BMPER: variants seen among roughly 807,000 people sequenced by gnomAD.
BMPER encodes the protein BMP-binding endothelial regulator protein.
In BMPER, 45 loss-of-function variants were observed where a neutral mutation model predicts 87.3. That is an observed-to-expected ratio of 0.52 (90% confidence interval 0.41 to 0.66). BMPER has a LOEUF of 0.66. Ranked by LOEUF, BMPER falls within the 30% of genes least tolerant of loss-of-function variation. BMPER has a pLI of 0.00. For missense variants in BMPER, 784 were observed against 867.5 expected, an observed-to-expected ratio of 0.90 and a Z score of 1.21; for synonymous variants, 326 against 316.2, an observed-to-expected ratio of 1.03 and a Z score of -0.33.
intron 6 of BMPER, among the ~76,000 whole-genome samples, chr7:34,009,635 G>A (rs1360720246): frequency 6.6e-6 from 1 of 151,986 alleles, no homozygotes; most frequent in Non-Finnish European, 1.5e-5. Context: ...CCGTATAAAT[G>A]TGAGAGAGAG....
rs1319017555 is a variant in BMPER, at chr7:33,943,923, CCTAA to C, written c.319+6538_319+6541del. On this transcript the variant is annotated intron_variant, in intron 3 of 14. Transcript: ENST00000649409. ...GTGGTATCAAGCTCCATTTAAAGAG[CCTAA>C]CTGAGTGCCATCAATTGCTGTTGTG... Among the ~76,000 whole-genome samples, 5 of 152,134 alleles carry C rather than the reference CCTAA, an allele frequency of 3.3e-5. No individual in the cohort carries two copies. In the East Asian group the frequency reaches 9.6e-4, roughly 29 times the overall value.
chr7:33,926,838 C>G (rs960294636), intron 2 of BMPER, among the ~76,000 whole-genome samples: 1 of 152,232 alleles, frequency 6.6e-6, no homozygotes, highest in Non-Finnish European at 1.5e-5. Flanking sequence ...CCCTTGCTTC[C>G]CTACCTGACA....
At chr7:34,109,871 C>T (rs1442630211) in intron 13 of BMPER, among the ~76,000 whole-genome samples, 1 of 152,168 alleles carries the variant, frequency 6.6e-6, no homozygotes, top group Non-Finnish European at 1.5e-5. Context: ...TAGTTCTATT[C>T]CACTTGCTCT....
Position 34,086,069 on chromosome 7 carries a change from T to G in BMPER, c.1722T>G (p.Thr574=). 3.7e-6 allele frequency: 6 copies of G among 1,614,004 alleles called. No individual in the cohort carries two copies. The highest frequency in any genetic ancestry group is 4.2e-6 in the Non-Finnish European group (5 of 1,180,016). ...KSWEFQTCHS[T]VDYATFYRSC... Reference sequence around the variant, plus strand: ...GGGAGTTTCAGACCTGCCACTCGACTGTGGACTACGCCACTTTCTACCGGT... The same window carrying G: ...GGGAGTTTCAGACCTGCCACTCGACGGTGGACTACGCCACTTTCTACCGGT... Residue 574 remains threonine (T), a synonymous_variant, in exon 13 of 15, where the codon ACT becomes ACG. Coordinates refer to ENST00000649409, the MANE Select transcript of BMPER (RefSeq NM_001365308.1).
chr7:34,147,539 C>T (rs961630499), intron 14 of BMPER, among the ~76,000 whole-genome samples: 5 of 152,146 alleles, frequency 3.3e-5, no homozygotes, highest in African/African-American at 7.2e-5. Context: ...GGCGTGATCT[C>T]GGCTCACTAT....
At chr7:33,913,159 G>A (rs1036640264) in intron 2 of BMPER, among the ~76,000 whole-genome samples, 1 of 152,192 alleles carries the variant, frequency 6.6e-6, no homozygotes, top group Admixed American at 6.5e-5. Flanking sequence ...GGACCGTGAT[G>A]TGGGAGGAGA....
rs1017451234 is a variant in BMPER, at chr7:34,009,942, G to A, written c.576+35158G>A. Reference sequence around the variant, plus strand: ...TTGTTGAAATAAGACAATGATAGAAGGAAGGTGACCTTCTAGGTAATTATG... The same window carrying A: ...TTGTTGAAATAAGACAATGATAGAAAGAAGGTGACCTTCTAGGTAATTATG... On this transcript the variant is annotated intron_variant, in intron 6 of 14. Coordinates refer to ENST00000649409, the MANE Select transcript of BMPER (RefSeq NM_001365308.1). 2.0e-5 allele frequency among the ~76,000 whole-genome samples: 3 copies of A among 151,932 alleles called. No individual in the cohort carries two copies. In the East Asian group the frequency reaches 5.8e-4, roughly 30 times the overall value.
chr7:34,153,066 T>G (rs919564924), intron 14 of BMPER, 26 bp from the exon 15 acceptor site: 2 of 1,613,688 alleles, frequency 1.2e-6, no homozygotes, highest in East Asian at 2.2e-5. Context: ...CTCCATGTTA[T>G]GCCTTTGTCT....
chr7:34,011,271 C>T lies in BMPER; in HGVS notation c.577-35035C>T, dbSNP rs529135407. On this transcript the variant is annotated intron_variant, in intron 6 of 14. Coordinates refer to ENST00000649409, the MANE Select transcript of BMPER (RefSeq NM_001365308.1). ...GACTCAGTAGGTCTGGGGTGAGGCC[C>T]GAGATTCTGTATTTCTACCAAGTTT... 3.0e-4 allele frequency among the ~76,000 whole-genome samples: 46 copies of T among 151,676 alleles called. 1 individual carries two copies. In the South Asian group the frequency reaches 8.7e-3, roughly 29 times the overall value.
intron 12 of BMPER, among the ~76,000 whole-genome samples, chr7:34,081,093 C>T (rs1562730776): frequency 6.6e-6 from 1 of 152,136 alleles, no homozygotes; most frequent in African/African-American, 2.4e-5. Flanking sequence ...ATCACACAAG[C>T]CCTCTGCTTC....
chr7:33,912,564 G>A (rs1026588628), intron 2 of BMPER, among the ~76,000 whole-genome samples: 3 of 152,288 alleles, frequency 2.0e-5, no homozygotes, highest in Non-Finnish European at 2.9e-5. Flanking sequence ...AGGAGATAAT[G>A]GGAAAAGTCA....
intron 3 of BMPER, among the ~76,000 whole-genome samples, chr7:33,952,086 T>C (rs1353785578): frequency 6.6e-6 from 1 of 152,228 alleles, no homozygotes; most frequent in Non-Finnish European, 1.5e-5. Flanking sequence ...ATGTAATTTT[T>C]AGTAGATCTT....
At chr7:33,943,203 G>A (rs2128611100) in intron 3 of BMPER, among the ~76,000 whole-genome samples, 2 of 152,166 alleles carry the variant, frequency 1.3e-5, no homozygotes, top group East Asian at 3.9e-4. Context: ...TTTATTGTGT[G>A]TTTTCCAGAC....
rs555870421 is a variant in BMPER at position 34,098,521 on chromosome 7, A to G, written c.1745+12429A>G. Among the ~76,000 whole-genome samples the G allele has an allele frequency of 9.2e-5, 14 of 152,308 alleles. No homozygotes were observed. The South Asian group carries it at 2.5e-3, about 27-fold the overall frequency. ...TACTGGAATTAATAATTCTTTTAAC[A>G]TGAAAGAGTTGTTCTTTATGATCCT... On this transcript the variant is annotated intron_variant, in intron 13 of 14. Coordinates refer to ENST00000649409, the MANE Select transcript of BMPER (RefSeq NM_001365308.1).
At chr7:34,024,357 C>CAAA (rs1169634357) in intron 6 of BMPER, among the ~76,000 whole-genome samples, 1 of 4,656 alleles carries the variant, frequency 2.1e-4, no homozygotes, top group African/African-American at 1.2e-3. Context: ...AACTCTGTCT[C>CAAA]AAAAAAAAAA....
At chr7:33,953,045 A>T (rs548815825) in intron 3 of BMPER, among the ~76,000 whole-genome samples, 2 of 152,192 alleles carry the variant, frequency 1.3e-5, no homozygotes, top group African/African-American at 4.8e-5. Context: ...ATGCTTGGGC[A>T]TTGACTGGCT....
intron 3 of BMPER, among the ~76,000 whole-genome samples, chr7:33,940,219 A>G (rs527291606): frequency 6.6e-6 from 1 of 152,266 alleles, no homozygotes; most frequent in East Asian, 1.9e-4. Flanking sequence ...CCCATATTGC[A>G]TTATTTATAT....
intron 3 of BMPER, 35 bp from the exon 4 acceptor site, chr7:33,966,444 T>TGGTTTGGAAAACCAAGCCTTGGAAAAGCA: frequency 6.4e-7 from 1 of 1,571,646 alleles, no homozygotes; most frequent in Non-Finnish European, 8.8e-7. Flanking sequence ...TACCCATTCT[T>TGGTTTGGAAAACCAAGCCTTGGAAAAGCA]GGCCTTTCTT....
At chr7:33,945,131 C>T (rs1050909428) in intron 3 of BMPER, among the ~76,000 whole-genome samples, 4 of 151,908 alleles carry the variant, frequency 2.6e-5, no homozygotes, top group African/African-American at 9.7e-5. Flanking sequence ...TTAGTAGAGA[C>T]AGGGTTTCAC....
Sources: allele counts gnomAD v4.1 joint callset (sites outside exome capture counted in the v4.1 genomes callset), GRCh38; gene constraint gnomAD v4.1.1; transcripts MANE v1.5; gene names NCBI Gene and HGNC (gene_info 2026-07-23, HGNC 2026-07-21).